Variants in CD163L1 observed in about 807,000 individuals in gnomAD.
The protein encoded by CD163L1 is scavenger receptor cysteine-rich type 1 protein M160.
CD163L1 carries 124 observed loss-of-function variants against 165.4 expected under a neutral mutation model. The ratio of observed to expected loss-of-function variants is 0.75; its 90% CI spans 0.65 to 0.87. The LOEUF is 0.87. CD163L1 is among the 40% of genes least tolerant of loss of function. The pLI is 0.00. For synonymous variants in CD163L1, 585 were observed against 662.2 expected, an observed-to-expected ratio of 0.88 and a Z score of 1.79; for missense variants, 1,525 against 1,799.9, an observed-to-expected ratio of 0.85 and a Z score of 2.76.
chr12:7,421,428 T>G (rs1286180738), intron 4 of CD163L1, among the ~76,000 whole-genome samples: 2 of 114,380 alleles, frequency 1.7e-5, no homozygotes, highest in Non-Finnish European at 1.7e-5. Context: ...TATACATATA[T>G]GTACATATAT....
rs754757344 is a variant in CD163L1 at position 7,432,464 on chromosome 12, C to A, written c.718G>T (p.Gly240Ter). The A allele has an allele frequency of 6.2e-7, 1 of 1,614,044 alleles. No individual in the cohort carries two copies. The highest frequency in any genetic ancestry group is 8.5e-7 in the Non-Finnish European group (1 of 1,179,976). The change falls in exon 4 of 20, where the codon GGA becomes TGA. Residue 240 changes from glycine (G) to a stop codon, truncating the protein, a stop_gained. Coordinates refer to ENST00000313599, the MANE Select transcript of CD163L1 (RefSeq NM_174941.6). LOFTEE classifies it high-confidence loss of function. The surrounding 1 kb of genome is among the most constrained non-coding windows in gnomAD (Gnocchi z 4.2). ...TCATTGTGACTGCAGTCATGATTTC[C>A]CCATCCACGATGTCTGCAATTCCAG... is the stretch of plus-strand genomic sequence containing the variant. ...ALWNCRHRGWGNHDCSHNEDV... is the reference protein window; with the variant it reads ...ALWNCRHRGW
At chr12:7,396,016 G>A in intron 8 of CD163L1, 79 bp downstream of exon 8, 1 of 1,162,384 alleles carries the variant, frequency 8.6e-7, no homozygotes. Context: ...GGTCATAAAT[G>A]TACTGACTAA....
At chr12:7,386,722 A>G (rs1223245361) in intron 8 of CD163L1, among the ~76,000 whole-genome samples, 1 of 152,134 alleles carries the variant, frequency 6.6e-6, no homozygotes, top group African/African-American at 2.4e-5. Flanking sequence ...AATGACAAAA[A>G]CCATATGATC....
chr12:7,438,819 C>A (rs528424822), intron 2 of CD163L1: 2 of 1,540,718 alleles, frequency 1.3e-6, no homozygotes, highest in Non-Finnish European at 1.8e-6. Context: ...CTCTCTTCCC[C>A]GCTCAACCTC....
At chr12:7,427,071 T>C (rs891147496) in intron 4 of CD163L1, among the ~76,000 whole-genome samples, 9 of 151,906 alleles carry the variant, frequency 5.9e-5, no homozygotes, top group East Asian at 1.9e-4. Flanking sequence ...TATTAAGAGA[T>C]TGAAAGGGAG....
chr12:7,429,176 T>C (rs1812278838), intron 4 of CD163L1, among the ~76,000 whole-genome samples: 1 of 152,034 alleles, frequency 6.6e-6, no homozygotes, highest in Non-Finnish European at 1.5e-5. Flanking sequence ...TTTCAAACCA[T>C]GTAACAATTA....
intron 19 of CD163L1, among the ~76,000 whole-genome samples, chr12:7,356,174 AG>A (rs1002868884): frequency 6.6e-6 from 1 of 152,114 alleles, no homozygotes; most frequent in African/African-American, 2.4e-5. Context: ...AAAACACATA[AG>A]ATACACTTTA....
At chr12:7,342,938 A>G (rs1946647077), downstream of CD163L1, among the ~76,000 whole-genome samples, 1 of 152,174 alleles carries the variant, frequency 6.6e-6, no homozygotes, top group African/African-American at 2.4e-5. Flanking sequence ...CTCATCCCAT[A>G]ATCTCTCTTA....
intron 8 of CD163L1, among the ~76,000 whole-genome samples, chr12:7,386,903 A>G (rs916720921): frequency 1.3e-5 from 2 of 152,138 alleles, no homozygotes; most frequent in Non-Finnish European, 2.9e-5. Flanking sequence ...TCTTACCTAT[A>G]AGAACTGGAA....
downstream of CD163L1, among the ~76,000 whole-genome samples, chr12:7,354,448 C>T (rs890177522): frequency 5.9e-5 from 9 of 152,066 alleles, no homozygotes; most frequent in Non-Finnish European, 1.2e-4. Context: ...TTTGAAAATG[C>T]TTTCTACATT....
At chr12:7,380,508 C>T (rs1330250814) in intron 8 of CD163L1, among the ~76,000 whole-genome samples, 1 of 151,920 alleles carries the variant, frequency 6.6e-6, no homozygotes, top group Admixed American at 6.6e-5. Context: ...GACTATTATT[C>T]TAAGTGAAGT....
chr12:7,439,009 C>T (rs1332615699), intron 2 of CD163L1: 17 of 1,605,322 alleles, frequency 1.1e-5, no homozygotes, highest in Middle Eastern at 1.7e-4. Flanking sequence ...TCTTTTTCCT[C>T]CTGCCTCTGA....
chr12:7,438,973 A>C (rs1255786026), intron 2 of CD163L1: 6 of 1,604,190 alleles, frequency 3.7e-6, no homozygotes, highest in Non-Finnish European at 5.1e-6. Context: ...TGCTCTCTCT[A>C]GTGTCCTCAA....
downstream of CD163L1, among the ~76,000 whole-genome samples, chr12:7,344,650 C>A (rs1946657631): frequency 6.6e-6 from 1 of 152,198 alleles, no homozygotes. Flanking sequence ...CTTGGTATTG[C>A]CCTAGAGTTC....
At chr12:7,411,988 T>C (rs1256945033) in intron 4 of CD163L1, among the ~76,000 whole-genome samples, 6 of 152,204 alleles carry the variant, frequency 3.9e-5, no homozygotes, top group African/African-American at 1.4e-4. Context: ...CTTCTTCACA[T>C]TGGTTACTTC....
chr12:7,413,627 A>T (rs1447326069), intron 4 of CD163L1, among the ~76,000 whole-genome samples: 1 of 152,200 alleles, frequency 6.6e-6, no homozygotes, highest in East Asian at 1.9e-4. Flanking sequence ...TTCCATAGAT[A>T]ACTTGTGTGG....
intron 3 of CD163L1, 85 bp downstream of exon 3, chr12:7,433,282 CTATTAAA>C (rs1948659958): frequency 6.2e-6 from 7 of 1,128,062 alleles, no homozygotes; most frequent in Non-Finnish European, 8.9e-6. Context: ...CAGAGGGACA[CTATTAAA>C]GTCATAATAG....
intron 14 of CD163L1, among the ~76,000 whole-genome samples, chr12:7,370,758 G>C (rs1027097637): frequency 6.6e-6 from 1 of 151,648 alleles, no homozygotes; most frequent in Non-Finnish European, 1.5e-5. Context: ...ATTTTTTCTC[G>C]TCATTTTTGT....
At chr12:7,415,574 C>G (rs1173133959) in intron 4 of CD163L1, among the ~76,000 whole-genome samples, 3 of 152,116 alleles carry the variant, frequency 2.0e-5, no homozygotes, top group African/African-American at 7.2e-5. Context: ...TATCACTCCC[C>G]TACCCCCCCA....
Sources: allele counts gnomAD v4.1 joint callset (sites outside exome capture counted in the v4.1 genomes callset), GRCh38; gene constraint gnomAD v4.1.1; non-coding constraint Gnocchi (gnomAD v3.1); transcripts MANE v1.5; gene names NCBI Gene and HGNC (gene_info 2026-07-23, HGNC 2026-07-21).